Variants in SAMSN1 observed in about 807,000 individuals in gnomAD.
SAMSN1 encodes SAM domain, SH3 domain and nuclear localization signals 1, also known as SAM domain-containing protein SAMSN-1.
In SAMSN1, 31 loss-of-function variants were observed where a neutral mutation model predicts 42.0. That is an observed-to-expected ratio of 0.74 (90% confidence interval 0.55 to 1.00). The LOEUF (loss-of-function observed/expected upper bound fraction) is 1.00. Among genes scored for constraint, SAMSN1 ranks in the 50% least tolerant of loss-of-function variants. The pLI is 0.00. For missense variants in SAMSN1, 464 were observed against 439.4 expected (o/e 1.06, Z -0.50); for synonymous variants, 178 against 151.9 (o/e 1.17, Z -1.26).
chr21:14,529,773 T>A (rs1163386061), intron 1 of SAMSN1, among the ~76,000 whole-genome samples: 3 of 152,210 alleles, frequency 2.0e-5, no homozygotes, highest in Admixed American at 2.0e-4. Context: ...ATAGTAGATG[T>A]CAACTTGGAA....
At chr21:14,554,479 T>C (rs1221294711) in intron 2 of SAMSN1, among the ~76,000 whole-genome samples, 2 of 152,136 alleles carry the variant, frequency 1.3e-5, no homozygotes, top group Non-Finnish European at 2.9e-5. Context: ...TTTTTACAAT[T>C]TTCCTTCTAT....
intron 7 of SAMSN1, among the ~76,000 whole-genome samples, chr21:14,488,821 C>T (rs1001110990): frequency 2.6e-5 from 4 of 152,174 alleles, no homozygotes; most frequent in South Asian, 2.1e-4. Flanking sequence ...AATGAAAACA[C>T]GACTGTGCTC....
At chr21:14,488,000 T>C (rs1986512934) in intron 7 of SAMSN1, among the ~76,000 whole-genome samples, 1 of 151,778 alleles carries the variant, frequency 6.6e-6, no homozygotes, top group Admixed American at 6.6e-5. Flanking sequence ...TTCTAAGCCC[T>C]TTTTTTTAAT....
intron 2 of SAMSN1, among the ~76,000 whole-genome samples, chr21:14,627,652 A>AT (rs1983218059): frequency 6.6e-6 from 1 of 152,160 alleles, no homozygotes; most frequent in African/African-American, 2.4e-5. Flanking sequence ...GAGGAAAGAG[A>AT]TCCCCCTAGT....
At chr21:14,618,652 GTGTA>G (rs1480368373) in intron 2 of SAMSN1, among the ~76,000 whole-genome samples, 9 of 70,444 alleles carry the variant, frequency 1.3e-4, no homozygotes, top group East Asian at 4.4e-4. Flanking sequence ...AACCACAGCT[GTGTA>G]TGTGTGTGTG....
At chr21:14,490,062 A>G (rs962146240) in intron 7 of SAMSN1, among the ~76,000 whole-genome samples, 19 of 152,102 alleles carry the variant, frequency 1.2e-4, no homozygotes, top group Non-Finnish European at 5.9e-5. Context: ...AAAAATGAAA[A>G]CTAATTTTTG....
At chr21:14,510,000 G>A (rs940961868) in intron 5 of SAMSN1, among the ~76,000 whole-genome samples, 22 of 152,080 alleles carry the variant, frequency 1.4e-4, no homozygotes, top group South Asian at 2.1e-4. Flanking sequence ...TTAGCCGGGC[G>A]TGGTGGCGGG....
chr21:14,594,784 A>T (rs532543854), intron 6 of SAMSN1: 1 of 152,162 alleles, frequency 6.6e-6, no homozygotes, highest in Non-Finnish European at 1.5e-5. Flanking sequence ...GTTGCCCCCA[A>T]ATTAATATGT....
intron 2 of SAMSN1, among the ~76,000 whole-genome samples, chr21:14,553,412 C>G (rs534159971): frequency 6.6e-6 from 1 of 152,228 alleles, no homozygotes; most frequent in South Asian, 2.1e-4. Flanking sequence ...TATTTAATTT[C>G]AAACATCATA....
upstream of SAMSN1, among the ~76,000 whole-genome samples, chr21:14,548,141 G>A (rs182503645): frequency 4.6e-5 from 7 of 152,170 alleles, no homozygotes; most frequent in Middle Eastern, 0.01. Context: ...TTGCACCCTC[G>A]ACACCCTCTT....
In SAMSN1 at chr21:14,500,540, T is replaced by G. The variant is rs772532824; in HGVS notation, c.757A>C (p.Ile253Leu). The G allele has an allele frequency of 6.2e-7, 1 of 1,613,994 alleles. No individual in the cohort carries two copies. Among genetic ancestry groups the G allele is most frequent in the South Asian group, 1.1e-5 (1 of 91,072 alleles). ...ACAGATTTGCTCACCTGCAGATGAA[T>G]CCTCTCTAGGAACTCCTGCAGAGTC... ...SKTLQEFLER[I>L]HLQEYTSTLL... is the part of the protein sequence containing the mutation. Residue 253 changes from isoleucine (I) to leucine (L), a missense_variant, in exon 6 of 8, where the codon ATT becomes CTT. Coordinates refer to ENST00000400566, the MANE Select transcript of SAMSN1 (RefSeq NM_022136.5).
intron 2 of SAMSN1, among the ~76,000 whole-genome samples, chr21:14,619,391 G>A (rs1360334543): frequency 1.3e-5 from 2 of 152,184 alleles, no homozygotes; most frequent in Non-Finnish European, 2.9e-5. Context: ...GAATTTTTAG[G>A]ACTGTAGAGC....
At chr21:14,578,573 C>T (rs769553934) in intron 2 of SAMSN1, among the ~76,000 whole-genome samples, 1 of 150,802 alleles carries the variant, frequency 6.6e-6, no homozygotes, top group Non-Finnish European at 1.5e-5. Flanking sequence ...ATCCCAGCTA[C>T]TAGGGAGGCT....
intron 4 of SAMSN1, among the ~76,000 whole-genome samples, chr21:14,610,018 A>G (rs1407506575): frequency 6.6e-6 from 1 of 152,192 alleles, no homozygotes; most frequent in Non-Finnish European, 1.5e-5. Flanking sequence ...TGTTAACTGC[A>G]CAAATTGTTT....
chr21:14,552,045 G>T (rs1308794533), intron 2 of SAMSN1, among the ~76,000 whole-genome samples: 1 of 151,966 alleles, frequency 6.6e-6, no homozygotes, highest in Non-Finnish European at 1.5e-5. Context: ...AAAGAGAGTT[G>T]GTTCAATCAT....
At chr21:14,519,535 G>T (rs1346434677) in intron 2 of SAMSN1, among the ~76,000 whole-genome samples, 1 of 151,850 alleles carries the variant, frequency 6.6e-6, no homozygotes, top group African/African-American at 2.4e-5. Flanking sequence ...TATGTGGCCA[G>T]GGGGAGATTT....
intron 1 of SAMSN1, among the ~76,000 whole-genome samples, chr21:14,533,589 A>G (rs750799788): frequency 2.0e-5 from 3 of 152,134 alleles, no homozygotes; most frequent in Non-Finnish European, 4.4e-5. Context: ...CAAGTATGGG[A>G]ACTTTATTTT....
At chr21:14,552,168 C>G (rs1320743424) in intron 2 of SAMSN1, among the ~76,000 whole-genome samples, 1 of 152,092 alleles carries the variant, frequency 6.6e-6, no homozygotes, top group African/African-American at 2.4e-5. Context: ...CCCTCTCCAA[C>G]CCAAGCTACC....
At position 14,625,535 on chromosome 21, in the gene SAMSN1, C is replaced by T. The variant is rs189825388; in HGVS notation, c.157-9519G>A. ...AGTGAACTCCCATTCACAATTGCTT[C>T]AAAGAGAACAAAATACCTAGGAATC... is the stretch of plus-strand genomic sequence containing the variant. On this transcript the variant is annotated intron_variant, in intron 2 of 15. Coordinates refer to the SAMSN1 transcript ENST00000647101. Among the ~76,000 whole-genome samples, 125 of 152,262 alleles carry T rather than the reference C, an allele frequency of 8.2e-4. 2 individuals carry two copies. The South Asian group carries it at 0.011, about 13-fold the overall frequency.
Sources: allele counts gnomAD v4.1 joint callset (sites outside exome capture counted in the v4.1 genomes callset), GRCh38; gene constraint gnomAD v4.1.1; transcripts MANE v1.5; gene names NCBI Gene and HGNC (gene_info 2026-07-23, HGNC 2026-07-21).